Variants in PTGER3 observed in about 807,000 individuals in gnomAD.
The protein encoded by PTGER3 is prostaglandin E receptor 3.
In PTGER3, 22 loss-of-function variants were observed where a neutral mutation model predicts 34.7. The ratio of observed to expected loss-of-function variants is 0.63; its 90% CI spans 0.45 to 0.91. The LOEUF is 0.91. Among genes scored for constraint, PTGER3 ranks in the 40% least tolerant of loss-of-function variants. The pLI, the probability that PTGER3 is intolerant of heterozygous loss-of-function variation, is 0.00. For synonymous variants in PTGER3, 241 were observed against 230.1 expected, an observed-to-expected ratio of 1.05 and a Z score of -0.43; for missense variants, 468 against 519.4, an observed-to-expected ratio of 0.90 and a Z score of 0.96.
chr1:70,971,687 G>C lies in PTGER3; in HGVS notation c.*43C>G. ...AGGTGGGAAGAAATATGCAAATTCA[G>C]GGAAGCAGGAATTGCAATAAAATGT... On this transcript the variant is annotated 3_prime_UTR_variant, in exon 4 of 4. Transcript: ENST00000306666. 1 of 1,552,030 alleles carries C rather than the reference G, an allele frequency of 6.4e-7. No individual in the cohort carries two copies. The highest frequency in any genetic ancestry group is 8.7e-7 in the Non-Finnish European group (1 of 1,150,694).
At chr1:71,008,014 TC>T in intron 2 of PTGER3, 1 of 985,150 alleles carries the variant, frequency 1.0e-6, no homozygotes, top group East Asian at 1.1e-4. Context: ...CAGATTCTGA[TC>T]TGTTTCACAT....
At chr1:70,948,015 T>G (rs1201462671), downstream of PTGER3, among the ~76,000 whole-genome samples, 2 of 152,144 alleles carry the variant, frequency 1.3e-5, no homozygotes, top group African/African-American at 4.8e-5. Flanking sequence ...CATCATGGCT[T>G]TTAGCATAGT....
intron 4 of PTGER3, among the ~76,000 whole-genome samples, chr1:70,911,965 A>G (rs1647071624): frequency 6.6e-6 from 1 of 152,116 alleles, no homozygotes; most frequent in Admixed American, 6.6e-5. Context: ...AATATTCACC[A>G]TTATGATCAA....
At chr1:70,887,960 G>T (rs766522009) in intron 4 of PTGER3, among the ~76,000 whole-genome samples, 16 of 151,302 alleles carry the variant, frequency 1.1e-4, no homozygotes, top group Non-Finnish European at 1.8e-4. Context: ...AGCTTCATAT[G>T]TGTTTGTTCC....
At chr1:71,024,283 C>T (rs1173481762) in intron 1 of PTGER3, among the ~76,000 whole-genome samples, 3 of 152,110 alleles carry the variant, frequency 2.0e-5, no homozygotes, top group African/African-American at 7.2e-5. Context: ...AAAATTCTGA[C>T]TTATTTCGTG....
At chr1:70,852,481 C>T (rs556340684) in exon 5 of PTGER3, 39 of 314,668 alleles carry the variant, frequency 1.2e-4, no homozygotes, top group African/African-American at 8.0e-4. Context: ...ATGGAATACT[C>T]TATAGCGGTT....
chr1:71,008,667 T>G, intron 2 of PTGER3: 1 of 982,256 alleles, frequency 1.0e-6, no homozygotes, highest in Non-Finnish European at 1.2e-6. Flanking sequence ...CAGAAAAGTC[T>G]TATGGACTAG....
At chr1:70,909,132 T>C (rs545310554) in intron 4 of PTGER3, among the ~76,000 whole-genome samples, 13 of 152,310 alleles carry the variant, frequency 8.5e-5, no homozygotes, top group African/African-American at 3.1e-4. Context: ...TGTCATATAA[T>C]AAAATATTTA....
intron 4 of PTGER3, among the ~76,000 whole-genome samples, chr1:70,917,987 T>C (rs1248884105): frequency 2.0e-5 from 3 of 152,120 alleles, no homozygotes; most frequent in East Asian, 3.9e-4. Context: ...GTCAGGTGTA[T>C]AGTTTGCAAA....
At chr1:71,025,741 G>C (rs1161463340) in intron 1 of PTGER3, among the ~76,000 whole-genome samples, 1 of 152,178 alleles carries the variant, frequency 6.6e-6, no homozygotes, top group Non-Finnish European at 1.5e-5. Context: ...CTACTGGGTA[G>C]CCCCAAGAGG....
intron 2 of PTGER3, among the ~76,000 whole-genome samples, chr1:70,963,035 C>T (rs533859885): frequency 2.0e-5 from 3 of 152,256 alleles, no homozygotes; most frequent in East Asian, 3.9e-4. Flanking sequence ...TAGCAATTGG[C>T]CAAAATGAAG....
At chr1:70,862,453 G>C (rs1645948264) in intron 4 of PTGER3, 27 of 1,113,096 alleles carry the variant, frequency 2.4e-5, no homozygotes, top group Non-Finnish European at 3.4e-5. Context: ...CTTTCACACT[G>C]TTGAAGTGAA....
At chr1:71,025,280 G>A (rs1346899178) in intron 1 of PTGER3, among the ~76,000 whole-genome samples, 2 of 151,490 alleles carry the variant, frequency 1.3e-5, no homozygotes, top group Non-Finnish European at 2.9e-5. Context: ...ATGATTTTAA[G>A]TGGAACGTTC....
intron 4 of PTGER3, among the ~76,000 whole-genome samples, chr1:70,880,785 A>T (rs967418536): frequency 2.0e-5 from 3 of 151,486 alleles, no homozygotes; most frequent in African/African-American, 4.9e-5. Flanking sequence ...TGTTAGCTTG[A>T]TAGGGTTCCC....
At chr1:70,902,920 C>A (rs1371790823) in intron 4 of PTGER3, among the ~76,000 whole-genome samples, 3 of 152,126 alleles carry the variant, frequency 2.0e-5, no homozygotes, top group African/African-American at 4.8e-5. Context: ...AAAGATATGC[C>A]TCATGTCCTA....
At chr1:71,013,515 C>G (rs1382214427) in intron 1 of PTGER3, among the ~76,000 whole-genome samples, 1 of 151,922 alleles carries the variant, frequency 6.6e-6, no homozygotes, top group African/African-American at 2.4e-5. Context: ...CCAGCCTGAC[C>G]AACATAGAGA....
At chr1:70,993,694 C>T (rs967286069) in intron 2 of PTGER3, among the ~76,000 whole-genome samples, 2 of 152,100 alleles carry the variant, frequency 1.3e-5, no homozygotes, top group Non-Finnish European at 2.9e-5. Context: ...CTTTGCTCCT[C>T]GAGGGCATTT....
In PTGER3 at chr1:70,854,047, A is replaced by G. The variant is rs1645744940; in HGVS notation, c.*24-1188T>C. Among the ~76,000 whole-genome samples, 4 of 152,358 alleles carry G rather than the reference A, an allele frequency of 2.6e-5. No individual in the cohort carries two copies. The Middle Eastern group carries it at 0.01, about 389-fold the overall frequency. On this transcript the variant is annotated intron_variant, in intron 4 of 4. Transcript: ENST00000370931. Reference sequence around the variant, plus strand: ...AAGAAGAACACAGGAGAAAAATTTTATAACAGTGGATTTGGCAATGTTTTC... The same window carrying G: ...AAGAAGAACACAGGAGAAAAATTTTGTAACAGTGGATTTGGCAATGTTTTC...
In PTGER3 at chr1:71,046,960, C is replaced by A. The variant is rs5671; in HGVS notation, c.618G>T (p.Thr206=). ...VGQYTVQWPG[T]WCFISTGRGG... is the part of the protein sequence containing the mutation. ...CTCGCCCGGTGCTGATGAAGCACCA[C>A]GTCCCGGGCCACTGGACGGTGTACT... The change falls in exon 1 of 4, where the codon ACG becomes ACT. Residue 206 remains threonine, a synonymous_variant. Coordinates refer to ENST00000306666, the MANE Select transcript of PTGER3 (RefSeq NM_198719.2). The A allele has an allele frequency of 0.077, 124,399 of 1,610,738 alleles. 5,489 individuals carry two copies. Among genetic ancestry groups the A allele is most frequent in the African/African-American group, 0.15 (11,418 of 75,026 alleles).
Sources: allele counts gnomAD v4.1 joint callset (sites outside exome capture counted in the v4.1 genomes callset), GRCh38; gene constraint gnomAD v4.1.1; transcripts MANE v1.5; gene names NCBI Gene and HGNC (gene_info 2026-07-23, HGNC 2026-07-21).